THBS4: variants seen among roughly 807,000 people sequenced by gnomAD.
THBS4 encodes thrombospondin-4.
THBS4 carries 90 observed loss-of-function variants against 115.7 expected under a neutral mutation model. The ratio of observed to expected loss-of-function variants is 0.78; its 90% CI spans 0.66 to 0.93. The LOEUF (loss-of-function observed/expected upper bound fraction) is 0.93. Ranked by LOEUF, THBS4 falls within the 40% of genes least tolerant of loss-of-function variation. THBS4 has a pLI of 0.00. For missense variants in THBS4, 1,087 were observed against 1,232.7 expected, an observed-to-expected ratio of 0.88 and a Z score of 1.77; for synonymous variants, 460 against 479.3, an observed-to-expected ratio of 0.96 and a Z score of 0.53.
intron 4 of THBS4, 28 bp downstream of exon 4, chr5:80,058,342 C>G: frequency 6.7e-7 from 1 of 1,501,522 alleles, no homozygotes; most frequent in Non-Finnish European, 9.1e-7. Context: ...GTTTGCATGC[C>G]TTCATCAACA....
At chr5:80,068,240 T>G in intron 10 of THBS4, 115 bp downstream of exon 10, 1 of 1,277,904 alleles carries the variant, frequency 7.8e-7, no homozygotes, top group Non-Finnish European at 1.1e-6. Context: ...GCATTGCAAT[T>G]AAATGAGCAT....
upstream of THBS4, among the ~76,000 whole-genome samples, chr5:80,034,149 G>A (rs1007865053): frequency 3.3e-5 from 5 of 152,284 alleles, no homozygotes; most frequent in African/African-American, 9.6e-5. Context: ...TCTCTCATGT[G>A]TAGACATATG....
intron 2 of THBS4, among the ~76,000 whole-genome samples, chr5:80,012,392 C>G (rs950914811): frequency 6.6e-6 from 1 of 152,264 alleles, no homozygotes; most frequent in South Asian, 2.1e-4. Context: ...TCTAACCAAC[C>G]AATGTGGTGG....
chr5:80,074,083 T>C (rs1743064452), intron 15 of THBS4, among the ~76,000 whole-genome samples: 1 of 152,162 alleles, frequency 6.6e-6, no homozygotes. Context: ...CCATGGAAAG[T>C]GCTCATTATG....
At chr5:80,059,064 C>T (rs1833533314) in intron 5 of THBS4, among the ~76,000 whole-genome samples, 1 of 152,164 alleles carries the variant, frequency 6.6e-6, no homozygotes, top group African/African-American at 2.4e-5. Context: ...AGGTGCGGTG[C>T]CTCATGACTG....
chr5:79,993,255 CA>C (rs1831723993), intron 1 of THBS4, among the ~76,000 whole-genome samples: 2 of 152,168 alleles, frequency 1.3e-5, no homozygotes, highest in Admixed American at 6.5e-5. Flanking sequence ...TCCTTACACA[CA>C]GGTTTATTAG....
intron 2 of THBS4, among the ~76,000 whole-genome samples, chr5:80,017,852 T>A (rs1419109456): frequency 6.6e-6 from 1 of 152,208 alleles, no homozygotes; most frequent in East Asian, 1.9e-4. Flanking sequence ...TTTTTACTAA[T>A]CGTGGGATTT....
At chr5:80,046,732 G>A (rs1007122656) in intron 2 of THBS4, among the ~76,000 whole-genome samples, 3 of 152,112 alleles carry the variant, frequency 2.0e-5, no homozygotes, top group African/African-American at 4.8e-5. Flanking sequence ...AAAAAAGAAC[G>A]AGCTAGGTAA....
In THBS4 at chr5:80,072,375, T is replaced by G. The variant is rs765703304; in HGVS notation, c.1818T>G (p.Pro606=). Residue 606 remains proline, a synonymous_variant, in exon 14 of 22, where the codon CCT becomes CCG. Transcript: ENST00000350881. The part of the protein sequence containing the change: ...DGVGDACDSC[P]DVSNPNQSDV... ...TGGGGGATGCCTGTGACAGTTGTCC[T>G]GATGTCAGCAACCCTAACCAGGTTA... 4 of 1,614,020 alleles carry G rather than the reference T, an allele frequency of 2.5e-6. No individual in the cohort carries two copies. The highest frequency in any genetic ancestry group is 3.4e-6 in the Non-Finnish European group (4 of 1,179,976).
chr5:80,057,378 A>C (rs766402657), intron 3 of THBS4, among the ~76,000 whole-genome samples: 2 of 152,244 alleles, frequency 1.3e-5, no homozygotes, highest in Non-Finnish European at 2.9e-5. Flanking sequence ...TCACTCATTC[A>C]GTCAGTCAAC....
chr5:80,009,810 G>T (rs1048183792), intron 2 of THBS4, among the ~76,000 whole-genome samples: 11 of 152,238 alleles, frequency 7.2e-5, no homozygotes, highest in African/African-American at 2.6e-4. Flanking sequence ...GGGGCCAAGT[G>T]TCCTAGCTAT....
chr5:80,063,889 A>G (rs992678298), intron 8 of THBS4, among the ~76,000 whole-genome samples: 19 of 152,252 alleles, frequency 1.2e-4, no homozygotes, highest in African/African-American at 4.6e-4. Context: ...CCAGAAACAA[A>G]GAGAAAACTC....
chr5:80,002,904 T>C (rs1361906857), intron 2 of THBS4, among the ~76,000 whole-genome samples: 1 of 151,686 alleles, frequency 6.6e-6, no homozygotes, highest in Non-Finnish European at 1.5e-5. Context: ...GGAACTGTTA[T>C]GTTAACGAAA....
Position 80,082,254 on chromosome 5 carries a change from T to C in THBS4, c.2685-152T>C, listed in dbSNP as rs1359551864. 2.8e-5 allele frequency: 28 copies of C among 1,000,230 alleles called. No homozygotes were observed. The Admixed American group carries it at 6.7e-4, about 24-fold the overall frequency. 62.0% of individuals were successfully genotyped at this position (1,000,230 alleles called of 1,614,324 possible). A position where few individuals can be genotyped will look rare whatever the true frequency, so the allele number is the denominator to read the frequency against. On this transcript the variant is annotated intron_variant, in intron 20 of 21. Coordinates refer to ENST00000350881, the MANE Select transcript of THBS4 (RefSeq NM_003248.6). ...AGTCTAGTAAGTAAGTGGCAACAGC[T>C]ACAGTACAATCCAGGTCAGCGAAAA...
At position 80,079,144 on chromosome 5, in the gene THBS4, C is replaced by T; in HGVS notation, c.2397C>T (p.Ile799=). 6.2e-7 allele frequency: 1 copy of T among 1,614,214 alleles called. No homozygotes were observed. The highest frequency in any genetic ancestry group is 8.5e-7 in the Non-Finnish European group (1 of 1,180,040). ...TQTDDDYAGF[I]FGYQDSSSFY... is the part of the protein sequence containing the mutation. Reference sequence around the variant, plus strand: ...CAGATGATGACTATGCAGGCTTTATCTTTGGCTACCAAGATAGCTCCAGCT... The same window carrying T: ...CAGATGATGACTATGCAGGCTTTATTTTTGGCTACCAAGATAGCTCCAGCT... Residue 799 remains isoleucine, a synonymous_variant, in exon 19 of 22, where the codon ATC becomes ATT. Coordinates refer to ENST00000350881, the MANE Select transcript of THBS4 (RefSeq NM_003248.6).
chr5:80,083,183 C>CTGTCAACCCAACACAGG lies in THBS4; in HGVS notation c.*42_*43insTGTCAACCCAACACAGG. On this transcript the variant is annotated 3_prime_UTR_variant, in exon 22 of 22. Transcript: ENST00000350881. The stretch of plus-strand genomic sequence containing the variant: ...GTAACTGCTTTTCGGAACACTAAAA[C>CTGTCAACCCAACACAGG]CATATATATTTTAACTTCAATTTTC... The CTGTCAACCCAACACAGG allele has an allele frequency of 6.5e-7, 1 of 1,535,114 alleles. No individual in the cohort carries two copies. The highest frequency in any genetic ancestry group is 9.0e-7 in the Non-Finnish European group (1 of 1,108,462).
Position 80,078,186 on chromosome 5 carries a change from G to A in THBS4, c.2224G>A (p.Gly742Arg). The A allele has an allele frequency of 6.2e-7, 1 of 1,607,192 alleles. No individual in the cohort carries two copies. The highest frequency in any genetic ancestry group is 1.7e-5 in the Admixed American group (1 of 59,686). ...CCAGACCGTGGTCCTGGATCCTGAA[G>A]GGGATGCCCAGATCGATCCCAACTG... is the stretch of plus-strand genomic sequence containing the variant. ...AYQTVVLDPE[G>R]DAQIDPNWVV... The change falls in exon 17 of 22, where the codon GGG (glycine) becomes AGG (arginine). Residue 742 changes from glycine (G) to arginine (R), a missense_variant. Transcript: ENST00000350881.
rs545857852 is a variant in THBS4, at chr5:80,053,706, C to T, written c.293-2079C>T. 3.6e-4 allele frequency among the ~76,000 whole-genome samples: 55 copies of T among 152,216 alleles called. No individual in the cohort carries two copies. In the East Asian group the frequency reaches 3.7e-3, roughly 10 times the overall value. The stretch of plus-strand genomic sequence containing the variant: ...CCGACCTTGTTCCTGGGATTGTTTC[C>T]GGTGAAAATTAGCCATGCCTGGCTA... On this transcript the variant is annotated intron_variant, in intron 2 of 21. Transcript: ENST00000350881.
intron 2 of THBS4, among the ~76,000 whole-genome samples, chr5:80,042,598 T>C (rs1832938114): frequency 6.6e-6 from 1 of 152,164 alleles, no homozygotes. Flanking sequence ...AACACTGGAT[T>C]TAATGGGCAG....
Sources: allele counts gnomAD v4.1 joint callset (sites outside exome capture counted in the v4.1 genomes callset), GRCh38; gene constraint gnomAD v4.1.1; transcripts MANE v1.5; gene names NCBI Gene and HGNC (gene_info 2026-07-23, HGNC 2026-07-21).